The following MALRD1 variants were observed in gnomAD, a reference collection of about 807,000 sequenced individuals.
The protein encoded by MALRD1 is MAM and LDL receptor class A domain containing 1.
In MALRD1, 247 loss-of-function variants were observed where a neutral mutation model predicts 242.1. The observed-to-expected ratio is 1.02, with a 90% CI of 0.92 to 1.13. The LOEUF (loss-of-function observed/expected upper bound fraction) is 1.13, where lower values mean the gene tolerates loss of function less well. MALRD1 is among the 50% of genes most tolerant of loss of function. The pLI is 0.00. For synonymous variants in MALRD1, 995 were observed against 866.6 expected (o/e 1.15, Z -2.60); for missense variants, 2,989 against 2,533.1 (o/e 1.18, Z -3.86).
intron 31 of MALRD1, among the ~76,000 whole-genome samples, chr10:19,513,042 A>C (rs1287050178): frequency 6.6e-6 from 1 of 152,172 alleles, no homozygotes; most frequent in Admixed American, 6.5e-5. Flanking sequence ...GTCATAGATA[A>C]TTTGAGTTGG....
chr10:19,585,454 G>A (rs932897313), intron 33 of MALRD1, among the ~76,000 whole-genome samples: 3 of 152,044 alleles, frequency 2.0e-5, no homozygotes, highest in African/African-American at 4.8e-5. Context: ...TTGCTTGTCT[G>A]TAAAGTATTT....
intron 32 of MALRD1, among the ~76,000 whole-genome samples, chr10:19,550,779 C>T (rs1303251733): frequency 2.0e-5 from 3 of 152,060 alleles, no homozygotes; most frequent in Non-Finnish European, 2.9e-5. Context: ...GTCTTTGCTA[C>T]CATTAATAGT....
Position 19,384,529 on chromosome 10 carries a change from T to A in MALRD1, c.4442-2999T>A, listed in dbSNP as rs548586157. ...TATATATTATATATTATATAGTGTA[T>A]ATAATATATTTACTATATATTATAT... On this transcript the variant is annotated intron_variant, in intron 26 of 39. Coordinates refer to ENST00000454679, the MANE Select transcript of MALRD1 (RefSeq NM_001142308.3). Among the ~76,000 whole-genome samples the A allele has an allele frequency of 3.4e-5, 4 of 119,290 alleles. No homozygotes were observed. In the South Asian group the frequency reaches 8.9e-4, roughly 27 times the overall value. The allele number at this position is 119,290 out of a possible 152,430, so 78.3% of individuals were successfully genotyped here.
At chr10:19,465,684 CA>C (rs1219084829) in intron 29 of MALRD1, among the ~76,000 whole-genome samples, 1 of 152,154 alleles carries the variant, frequency 6.6e-6, no homozygotes, top group African/African-American at 2.4e-5. Context: ...GTGCATGTGC[CA>C]GCACATCCAG....
chr10:19,716,403 GGC>G (rs1252020894), intron 38 of MALRD1, among the ~76,000 whole-genome samples: 2 of 152,074 alleles, frequency 1.3e-5, no homozygotes, highest in African/African-American at 4.8e-5. Flanking sequence ...AAAACTGTGT[GGC>G]ACCTGCCCCA....
intron 32 of MALRD1, among the ~76,000 whole-genome samples, chr10:19,541,447 G>A (rs772694392): frequency 6.6e-6 from 1 of 152,192 alleles, no homozygotes; most frequent in African/African-American, 2.4e-5. Flanking sequence ...ATATTCTAGG[G>A]CAATAGCTCT....
intron 26 of MALRD1, among the ~76,000 whole-genome samples, chr10:19,352,728 T>A (rs1349115160): frequency 1.3e-5 from 2 of 152,212 alleles, no homozygotes; most frequent in Non-Finnish European, 2.9e-5. Context: ...AGCATGCCAA[T>A]TTGATATTGA....
At chr10:19,307,295 GA>G (rs1442086932) in intron 21 of MALRD1, among the ~76,000 whole-genome samples, 1 of 151,482 alleles carries the variant, frequency 6.6e-6, no homozygotes, top group Non-Finnish European at 1.5e-5. Flanking sequence ...GGGGATACTT[GA>G]TGAATTAGTT....
chr10:19,230,783 G>T (rs1838019183), intron 18 of MALRD1, among the ~76,000 whole-genome samples: 1 of 152,134 alleles, frequency 6.6e-6, no homozygotes, highest in African/African-American at 2.4e-5. Context: ...GTTCTTAAAA[G>T]CAAATAAACA....
chr10:19,338,152 C>T (rs944685536), intron 24 of MALRD1, among the ~76,000 whole-genome samples: 2 of 151,912 alleles, frequency 1.3e-5, no homozygotes, highest in Non-Finnish European at 2.9e-5. Context: ...TTTCTATAAT[C>T]GATAAACCTA....
intron 28 of MALRD1, among the ~76,000 whole-genome samples, chr10:19,413,586 A>G (rs557178574): frequency 6.6e-6 from 1 of 152,010 alleles, no homozygotes; most frequent in Non-Finnish European, 1.5e-5. Flanking sequence ...TTTTAGGACA[A>G]TTTAATTTAT....
chr10:19,268,319 A>G lies in MALRD1; in HGVS notation c.3079+10548A>G, dbSNP rs147956379. Among the ~76,000 whole-genome samples the G allele has an allele frequency of 1.8e-4, 28 of 152,298 alleles. No homozygotes were observed. In the East Asian group the frequency reaches 4.8e-3, roughly 26 times the overall value. On this transcript the variant is annotated intron_variant, in intron 19 of 39. Coordinates refer to ENST00000454679, the MANE Select transcript of MALRD1 (RefSeq NM_001142308.3). The stretch of plus-strand genomic sequence containing the variant: ...TTGTTATAATAATAGTATCCAAAGA[A>G]TAGCTATGCTTTCATAAAACCTTTT...
intron 36 of MALRD1, among the ~76,000 whole-genome samples, chr10:19,626,646 G>T (rs955447663): frequency 6.6e-6 from 1 of 151,348 alleles, no homozygotes; most frequent in Non-Finnish European, 1.5e-5. Flanking sequence ...GGCCTATACT[G>T]AATAGTACAT....
chr10:19,579,408 T>A (rs189133537), intron 33 of MALRD1, among the ~76,000 whole-genome samples: 190 of 152,282 alleles, frequency 1.2e-3, no homozygotes, highest in African/African-American at 4.3e-3. Context: ...ACTCCTAGAA[T>A]TTTTTTATTG....
At chr10:19,377,894 G>T (rs1336702155) in intron 26 of MALRD1, among the ~76,000 whole-genome samples, 1 of 151,850 alleles carries the variant, frequency 6.6e-6, no homozygotes, top group Non-Finnish European at 1.5e-5. Context: ...ACAAAGCTTT[G>T]CCCAGTTCTA....
chr10:19,482,902 C>G lies in MALRD1; in HGVS notation c.5030-8615C>G, dbSNP rs184182456. On this transcript the variant is annotated intron_variant, in intron 29 of 39. Transcript: ENST00000454679. ...TCAGCAGATTCAATGCTATTCCTAT[C>G]AAAAAATTAATATCATTTTTCACAA... Among the ~76,000 whole-genome samples, 838 of 152,072 alleles carry G rather than the reference C, an allele frequency of 5.5e-3. 3 individuals are homozygous for G. Among genetic ancestry groups the G allele is most frequent in the Non-Finnish European group, 9.8e-3 (663 of 67,964 alleles).
chr10:19,418,277 C>G (rs78320212), intron 28 of MALRD1, among the ~76,000 whole-genome samples: 2,021 of 151,956 alleles, frequency 0.013, 29 homozygotes, highest in East Asian at 0.035. Context: ...CCCCCCACGC[C>G]CCCAACAAAT....
At chr10:19,288,801 A>T (rs1343601498) in intron 21 of MALRD1, among the ~76,000 whole-genome samples, 1 of 152,112 alleles carries the variant, frequency 6.6e-6, no homozygotes, top group Non-Finnish European at 1.5e-5. Context: ...CCCTCTCCAC[A>T]GTTAAAACTT....
At chr10:19,706,118 G>A (rs1031028895) in intron 38 of MALRD1, among the ~76,000 whole-genome samples, 6 of 152,126 alleles carry the variant, frequency 3.9e-5, no homozygotes, top group Admixed American at 3.9e-4. Flanking sequence ...AGATCTGAAG[G>A]ATGGAGAAAT....
Sources: allele counts gnomAD v4.1 joint callset (sites outside exome capture counted in the v4.1 genomes callset), GRCh38; gene constraint gnomAD v4.1.1; transcripts MANE v1.5; gene names NCBI Gene and HGNC (gene_info 2026-07-23, HGNC 2026-07-21).